CEP295: variants seen among roughly 807,000 people sequenced by gnomAD.
CEP295 encodes the protein centrosomal protein of 295 kDa.
CEP295 carries 190 observed loss-of-function variants against 291.6 expected under a neutral mutation model. The observed-to-expected ratio is 0.65, with a 90% CI of 0.58 to 0.73. CEP295 has a LOEUF of 0.73. Ranked by LOEUF, CEP295 falls within the 30% of genes least tolerant of loss-of-function variation. The pLI is 0.00. For missense variants in CEP295, 2,863 were observed against 2,949.4 expected (o/e 0.97, Z 0.68); for synonymous variants, 993 against 1,038.8 (o/e 0.96, Z 0.85).
At chr11:93,725,246 CAA>C (rs143213241) in intron 22 of CEP295, among the ~76,000 whole-genome samples, 13 of 127,160 alleles carry the variant, frequency 1.0e-4, no homozygotes, top group East Asian at 2.2e-4. Context: ...GACCCCATCT[CAA>C]AAAAAAAAAA....
chr11:93,724,491 G>A, intron 22 of CEP295, 116 bp downstream of exon 22: 2 of 1,041,974 alleles, frequency 1.9e-6, no homozygotes, highest in Non-Finnish European at 2.8e-6. Flanking sequence ...GGAAGTCTGG[G>A]CACAGTGGCT....
At chr11:93,684,998 C>G (rs1951157286) in intron 9 of CEP295, among the ~76,000 whole-genome samples, 1 of 152,212 alleles carries the variant, frequency 6.6e-6, no homozygotes, top group South Asian at 2.1e-4. Flanking sequence ...ACTTGGCTGT[C>G]CCATAGTTAA....
intron 21 of CEP295, 42 bp from the exon 22 acceptor site, chr11:93,724,212 T>C (rs1280497024): frequency 2.6e-6 from 4 of 1,513,012 alleles, no homozygotes; most frequent in Non-Finnish European, 3.6e-6. Context: ...ATTTATGATT[T>C]TTTTCCCTCA....
rs1226917475 is a variant in CEP295 at position 93,698,641 on chromosome 11, T to C, written c.3729T>C (p.Leu1243=). Residue 1243 remains leucine (L), a synonymous_variant, in exon 15 of 30, where the codon CTT becomes CTC. Coordinates refer to ENST00000325212, the MANE Select transcript of CEP295 (RefSeq NM_033395.2). ...AGATCCCAAGATGTCAGGAAAGACT[T>C]TTGAGAGTTTCACAACATATGCTAC... The part of the protein sequence containing the change: ...HPKIPRCQER[L]LRVSQHMLPL... 3.2e-6 allele frequency: 5 copies of C among 1,550,938 alleles called. No individual in the cohort carries two copies. Among genetic ancestry groups the C allele is most frequent in the African/African-American group, 1.4e-5 (1 of 73,042 alleles).
At position 93,706,855 on chromosome 11, in the gene CEP295, G is replaced by A. The variant is rs1212253453; in HGVS notation, c.5707G>A (p.Val1903Ile). 3.2e-6 allele frequency: 5 copies of A among 1,547,710 alleles called. No individual in the cohort carries two copies. Among genetic ancestry groups the A allele is most frequent in the Admixed American group, 2.0e-5 (1 of 50,182 alleles). Residue 1903 changes from valine (V) to isoleucine (I), a missense_variant, in exon 18 of 30, where the codon GTT (valine) becomes ATT (isoleucine). By Grantham distance (29) the Val-to-Ile change is conservative. This residue lies in a region of CEP295 where 2,295 missense variants were observed against 2,335.7 expected (regional missense o/e 0.98). Transcript: ENST00000325212. ...TGATCCGTTTAGTTGTCTTCAACTGGTTGGCCAAGAGAATGTCTGTGGTGA... is the reference window on the plus strand; with the variant it reads ...TGATCCGTTTAGTTGTCTTCAACTGATTGGCCAAGAGAATGTCTGTGGTGA... The part of the protein sequence containing the change: ...AHDPFSCLQL[V>I]GQENVCGDDY...
intron 6 of CEP295, 21 bp from the exon 7 acceptor site, chr11:93,679,391 C>A: frequency 6.5e-7 from 1 of 1,527,562 alleles, no homozygotes; most frequent in South Asian, 1.3e-5. Flanking sequence ...ATTTTGCCTA[C>A]AATTTTTGAT....
chr11:93,673,377 AG>A (rs1317938124), intron 5 of CEP295, among the ~76,000 whole-genome samples: 1 of 152,214 alleles, frequency 6.6e-6, no homozygotes, highest in Admixed American at 6.5e-5. Flanking sequence ...ACCCTGAATA[AG>A]GTCCTCTATT....
Position 93,723,023 on chromosome 11 carries a change from A to G in CEP295, c.5948-18A>G. The stretch of plus-strand genomic sequence containing the variant: ...ACGCCTGGCCTATTTACATATTTTC[A>G]TTAAACTCAATTTTCAGAGTCATTT... On this transcript the variant is annotated intron_variant, in intron 20 of 29. Transcript: ENST00000325212. 1 of 1,546,622 alleles carries G rather than the reference A, an allele frequency of 6.5e-7. No homozygotes were observed. Among genetic ancestry groups the G allele is most frequent in the Non-Finnish European group, 8.7e-7 (1 of 1,144,442 alleles).
At position 93,724,315 on chromosome 11, in the gene CEP295, A is replaced by G. The variant is rs1278836520; in HGVS notation, c.6258A>G (p.Pro2086=). The part of the protein sequence containing the change: ...HQLFKPLEPH[P]DFDLSSSSSG... Reference sequence around the variant, plus strand: ...TGTTTAAACCCTTAGAACCACATCCAGATTTTGACTTATCATCATCATCCT... The same window carrying G: ...TGTTTAAACCCTTAGAACCACATCCGGATTTTGACTTATCATCATCATCCT... Residue 2086 remains proline (P), a synonymous_variant, in exon 22 of 30, where the codon CCA becomes CCG. Coordinates refer to ENST00000325212, the MANE Select transcript of CEP295 (RefSeq NM_033395.2). 6.4e-7 allele frequency: 1 copy of G among 1,550,412 alleles called. No homozygotes were observed. The highest frequency in any genetic ancestry group is 2.4e-5 in the East Asian group (1 of 40,920).
intron 25 of CEP295, 85 bp from the exon 26 acceptor site, chr11:93,729,349 T>C: frequency 2.3e-6 from 2 of 884,310 alleles, no homozygotes; most frequent in South Asian, 2.9e-5. Context: ...GGTGTGATCA[T>C]GCCGCTGCAC....
At position 93,697,889 on chromosome 11, in the gene CEP295, C is replaced by T. The variant is rs866828238; in HGVS notation, c.2977C>T (p.Pro993Ser). Residue 993 changes from proline (P) to serine (S), a missense_variant, in exon 15 of 30, where the codon CCC (proline) becomes TCC (serine). Physicochemically the swap from Pro to Ser is moderately conservative, Grantham distance 74 (BLOSUM62 -1). Transcript: ENST00000325212. ...DRRVCSEQAE[P>S]SFPFQVAQHT... ...AAGAGTATGTTCCGAACAGGCTGAG[C>T]CCTCTTTCCCATTTCAGGTAGCTCA... The T allele has an allele frequency of 1.3e-6, 2 of 1,551,698 alleles. No homozygotes were observed. Among genetic ancestry groups the T allele is most frequent in the Non-Finnish European group, 1.7e-6 (2 of 1,146,980 alleles).
At position 93,700,125 on chromosome 11, in the gene CEP295, C is replaced by T. The variant is rs758848908; in HGVS notation, c.5213C>T (p.Ala1738Val). The change falls in exon 15 of 30, where the codon GCA becomes GTA. Residue 1738 changes from alanine to valine, a missense_variant. Ala to Val is a moderately conservative substitution (Grantham distance 64). Transcript: ENST00000325212. Reference protein sequence around the residue: ...QEKLLVQRQTALQQQIQKHEE... With the variant: ...QEKLLVQRQTVLQQQIQKHEE... ...AAATTGCTTGTACAGAGACAAACAG[C>T]ATTGCAGCAGCAGATACAGAAACAT... 2.6e-6 allele frequency: 4 copies of T among 1,551,494 alleles called. No homozygotes were observed. The South Asian group carries it at 3.6e-5, about 14-fold the overall frequency.
At position 93,679,409 on chromosome 11, in the gene CEP295, T is replaced by C; in HGVS notation, c.625-3T>C. 6.5e-7 allele frequency: 1 copy of C among 1,546,970 alleles called. No homozygotes were observed. On this transcript the variant is annotated splice_polypyrimidine_tract_variant and splice_region_variant and intron_variant, in intron 6 of 29. Transcript: ENST00000325212. Reference sequence around the variant, plus strand: ...TTGCCTACAATTTTTGATTGACTGCTAGCCAGATGCTCGTTTGGCTGCTGA... The same window carrying C: ...TTGCCTACAATTTTTGATTGACTGCCAGCCAGATGCTCGTTTGGCTGCTGA...
Position 93,729,983 on chromosome 11 carries a change from T to C in CEP295, c.7667+14T>C. The C allele has an allele frequency of 1.3e-6, 2 of 1,510,750 alleles. No homozygotes were observed. Among genetic ancestry groups the C allele is most frequent in the Admixed American group, 2.5e-5 (1 of 40,478 alleles). 93.6% of individuals were successfully genotyped at this position (1,510,750 alleles called of 1,614,324 possible). A position where few individuals can be genotyped will look rare whatever the true frequency, so the allele number is the denominator to read the frequency against. On this transcript the variant is annotated intron_variant, in intron 28 of 29. Coordinates refer to ENST00000325212, the MANE Select transcript of CEP295 (RefSeq NM_033395.2). ...AAGGGGTCTAAGGTAGGGTTAATTT[T>C]TTTTTTTTTTTTAGTGATTCACTTT...
At position 93,699,782 on chromosome 11, in the gene CEP295, C is replaced by G. The variant is rs755493951; in HGVS notation, c.4870C>G (p.Leu1624Val). 6.4e-6 allele frequency: 10 copies of G among 1,552,046 alleles called. No homozygotes were observed. Among genetic ancestry groups the G allele is most frequent in the South Asian group, 5.9e-5 (5 of 84,064 alleles). Residue 1624 changes from leucine (L) to valine (V), a missense_variant, in exon 15 of 30, where the codon CTG becomes GTG. Physicochemically the swap from Leu to Val is conservative, Grantham distance 32 (BLOSUM62 1). Coordinates refer to ENST00000325212, the MANE Select transcript of CEP295 (RefSeq NM_033395.2). ...TTCTTATGAGAAACCCCAGGAAGAA[C>G]TGTCTTTAAACAAACAAAGAAAGTT... ...MYSYEKPQEE[L>V]SLNKQRKLNK...
At position 93,720,062 on chromosome 11, in the gene CEP295, TA is replaced by T. The variant is rs11371094; in HGVS notation, c.5750-1236del. Among the ~76,000 whole-genome samples the T allele has an allele frequency of 8.3e-3, 1,198 of 144,718 alleles. 23 individuals carry two copies. The highest frequency in any genetic ancestry group is 0.053 in the East Asian group (266 of 5,010). 94.9% of individuals were successfully genotyped at this position (144,718 alleles called of 152,430 possible). On this transcript the variant is annotated intron_variant, in intron 18 of 29. Transcript: ENST00000325212. Reference sequence around the variant, plus strand: ...TGCTCATTATGAATTTAGAAAGCTGTAAAAAAAAAAAAAAGCTGGGCGTAGT... The same window carrying T: ...TGCTCATTATGAATTTAGAAAGCTGTAAAAAAAAAAAAAGCTGGGCGTAGT...
At position 93,727,343 on chromosome 11, in the gene CEP295, T is replaced by G. The variant is rs1184049237; in HGVS notation, c.6867T>G (p.Val2289=). The G allele has an allele frequency of 1.3e-6, 2 of 1,551,306 alleles. No individual in the cohort carries two copies. Among genetic ancestry groups the G allele is most frequent in the East Asian group, 4.9e-5 (2 of 40,896 alleles). ...TTGAAGAACTATCAAAAAGAGGGGT[T>G]GTTACAATGTTACAAAGTCAAGGAC... ...MGFEELSKRG[V]VTMLQSQGLI... is the part of the protein sequence containing the mutation. Residue 2289 remains valine, a synonymous_variant, in exon 24 of 30, where the codon GTT becomes GTG. Coordinates refer to ENST00000325212, the MANE Select transcript of CEP295 (RefSeq NM_033395.2).
At chr11:93,662,800 A>G (rs1950046638) in intron 1 of CEP295, among the ~76,000 whole-genome samples, 1 of 152,232 alleles carries the variant, frequency 6.6e-6, no homozygotes, top group East Asian at 1.9e-4. Context: ...CTCTGTCTTC[A>G]TGAGATATTT....
chr11:93,709,129 T>G (rs1952718246), intron 18 of CEP295, among the ~76,000 whole-genome samples: 1 of 152,258 alleles, frequency 6.6e-6, no homozygotes, highest in Admixed American at 6.5e-5. Flanking sequence ...TCATTTGCTT[T>G]GCAAAAGCTT....
Sources: allele counts gnomAD v4.1 joint callset (sites outside exome capture counted in the v4.1 genomes callset), GRCh38; gene constraint gnomAD v4.1.1; regional missense constraint gnomAD v4.1.1; transcripts MANE v1.5; gene names NCBI Gene and HGNC (gene_info 2026-07-23, HGNC 2026-07-21).